The following ROCK1 variants were observed in gnomAD, a reference collection of about 807,000 sequenced individuals.
ROCK1 encodes the protein rho-associated protein kinase 1.
A neutral mutation model predicts 196.8 loss-of-function variants in ROCK1; 36 were observed. That is an observed-to-expected ratio of 0.18 (90% CI 0.14 to 0.24). The LOEUF (loss-of-function observed/expected upper bound fraction) is 0.24, where lower values mean the gene tolerates loss of function less well. ROCK1 is among the 10% of genes least tolerant of loss of function. The probability of loss-of-function intolerance (pLI) is 1.00; values close to 1 mark genes in which losing one functional copy is unlikely to be tolerated. For synonymous variants in ROCK1, 443 were observed against 515.9 expected (o/e 0.86, Z 1.91); for missense variants, 920 against 1,562.0 (o/e 0.59, Z 6.93).
At chr18:21,054,648 C>T (rs2036232118) in intron 2 of ROCK1, among the ~76,000 whole-genome samples, 1 of 152,182 alleles carries the variant, frequency 6.6e-6, no homozygotes, top group Non-Finnish European at 1.5e-5. Flanking sequence ...CGTCTCATCG[C>T]TAGACAGTTT....
chr18:21,034,269 T>A (rs1408410288), intron 9 of ROCK1, among the ~76,000 whole-genome samples: 1 of 152,164 alleles, frequency 6.6e-6, no homozygotes, highest in East Asian at 1.9e-4. Flanking sequence ...AAAATCCCTA[T>A]GTCCTTTTTG....
intron 29 of ROCK1, among the ~76,000 whole-genome samples, chr18:20,959,080 A>T (rs1217441659): frequency 2.7e-5 from 1 of 37,270 alleles, no homozygotes; most frequent in Admixed American, 5.8e-4. Flanking sequence ...TATATAATAT[A>T]TATATTTTAT....
At position 20,948,007 on chromosome 18, in the gene ROCK1, G is replaced by T. The variant is rs2035146054; in HGVS notation, c.*3377C>A. 6.6e-6 allele frequency: 1 copy of T among 151,970 alleles called. No individual in the cohort carries two copies. Among genetic ancestry groups the T allele is most frequent in the African/African-American group, 2.4e-5 (1 of 41,308 alleles). 9.4% of individuals were successfully genotyped at this position (151,970 alleles called of 1,614,324 possible). Reference sequence around the variant, plus strand: ...CACCTGTAATCCCAGCTACTCGGGAGTCTGAGGCAGGAGGATCACTTGAAC... The same window carrying T: ...CACCTGTAATCCCAGCTACTCGGGATTCTGAGGCAGGAGGATCACTTGAAC... On this transcript the variant is annotated 3_prime_UTR_variant, in exon 33 of 33. Transcript: ENST00000399799.
intron 9 of ROCK1, among the ~76,000 whole-genome samples, chr18:21,030,492 T>G (rs2035996477): frequency 6.6e-6 from 1 of 152,028 alleles, no homozygotes; most frequent in South Asian, 2.1e-4. Context: ...GAGAACAGAG[T>G]AAGTGTGCTG....
intron 1 of ROCK1, among the ~76,000 whole-genome samples, chr18:21,076,879 G>C (rs2036436417): frequency 6.6e-6 from 1 of 151,036 alleles, no homozygotes; most frequent in Admixed American, 6.6e-5. Context: ...ATCCAATCAA[G>C]TAAAAGCTAT....
intron 1 of ROCK1, among the ~76,000 whole-genome samples, chr18:21,079,919 TAG>T (rs2143568027): frequency 6.6e-6 from 1 of 152,354 alleles, no homozygotes; most frequent in African/African-American, 2.4e-5. Flanking sequence ...CCTTGTGCAG[TAG>T]AATACTGCTT....
intron 17 of ROCK1, among the ~76,000 whole-genome samples, chr18:20,992,355 A>G (rs1467479880): frequency 6.6e-6 from 1 of 152,218 alleles, no homozygotes; most frequent in Non-Finnish European, 1.5e-5. Flanking sequence ...TATATAACAG[A>G]GAATAACCAA....
intron 22 of ROCK1, among the ~76,000 whole-genome samples, chr18:20,979,155 T>C (rs1316128486): frequency 2.0e-5 from 3 of 152,108 alleles, no homozygotes; most frequent in African/African-American, 4.8e-5. Context: ...TCTTGAACTC[T>C]TGGGCTCAAG....
intron 2 of ROCK1, among the ~76,000 whole-genome samples, chr18:21,054,223 C>G (rs1273181798): frequency 6.6e-6 from 1 of 152,184 alleles, no homozygotes; most frequent in Non-Finnish European, 1.5e-5. Flanking sequence ...TAAAAACCAT[C>G]TACATATCAA....
At chr18:20,995,916 T>C (rs1271028305) in intron 16 of ROCK1, among the ~76,000 whole-genome samples, 1 of 152,090 alleles carries the variant, frequency 6.6e-6, no homozygotes, top group Non-Finnish European at 1.5e-5. Context: ...TCCCTTCGAA[T>C]ACCTGGAAAG....
chr18:21,035,880 T>C (rs2036052738), intron 9 of ROCK1, among the ~76,000 whole-genome samples: 2 of 152,256 alleles, frequency 1.3e-5, no homozygotes, highest in Middle Eastern at 3.4e-3. Context: ...GTCTAATTCA[T>C]AGAGACAGAA....
intron 31 of ROCK1, 68 bp downstream of exon 31, chr18:20,954,715 A>G (rs1452140684): frequency 1.6e-5 from 23 of 1,460,858 alleles, no homozygotes; most frequent in South Asian, 4.1e-5. Flanking sequence ...ATCACTACAC[A>G]TAAGTTAGTT....
chr18:21,081,388 T>C (rs1268845858), intron 1 of ROCK1, among the ~76,000 whole-genome samples: 1 of 152,066 alleles, frequency 6.6e-6, no homozygotes, highest in Non-Finnish European at 1.5e-5. Flanking sequence ...TTTATAGCTA[T>C]AAATGCTTAC....
In ROCK1 at chr18:20,968,797, T is replaced by C; in HGVS notation, c.2978A>G (p.Asn993Ser). 1 of 1,606,870 alleles carries C rather than the reference T, an allele frequency of 6.2e-7. No homozygotes were observed. The highest frequency in any genetic ancestry group is 8.5e-7 in the Non-Finnish European group (1 of 1,173,498). The stretch of plus-strand genomic sequence containing the variant: ...CTGTGTTTTAAGGGTTCGTTCAGTG[T>C]TGATATTCTTTTCAAAGGCAGCCTT... ...NLKAAFEKNINTERTLKTQAV... is the reference protein window; with the variant it reads ...NLKAAFEKNISTERTLKTQAV... The change falls in exon 25 of 33, where the codon AAC becomes AGC. Residue 993 changes from asparagine to serine, a missense_variant. Transcript: ENST00000399799.
intron 1 of ROCK1, among the ~76,000 whole-genome samples, chr18:21,076,961 C>CTT (rs71178160): frequency 9.3e-4 from 61 of 65,904 alleles, no homozygotes; most frequent in African/African-American, 1.8e-3. Context: ...AAAGGACAGT[C>CTT]TTTTTTTTTT....
At chr18:21,076,968 T>C in intron 1 of ROCK1, among the ~76,000 whole-genome samples, 1 of 140,402 alleles carries the variant, frequency 7.1e-6, no homozygotes, top group African/African-American at 2.7e-5. Flanking sequence ...AGTCTTTTTT[T>C]TTTTTTTTTT....
chr18:20,973,282 G>A (rs2035447428), intron 22 of ROCK1, among the ~76,000 whole-genome samples: 1 of 151,542 alleles, frequency 6.6e-6, no homozygotes, highest in African/African-American at 2.4e-5. Flanking sequence ...AGAATTGTTG[G>A]AATCATAATT....
intron 1 of ROCK1, among the ~76,000 whole-genome samples, chr18:21,084,317 T>G (rs1202565626): frequency 6.6e-6 from 1 of 151,546 alleles, no homozygotes; most frequent in East Asian, 1.9e-4. Flanking sequence ...AGAACAGTAT[T>G]AACAGAGTGA....
chr18:20,991,453 T>C (rs1240400048), intron 17 of ROCK1, 127 bp from the exon 18 acceptor site: 1 of 642,224 alleles, frequency 1.6e-6, no homozygotes, highest in East Asian at 3.0e-5. Flanking sequence ...ACACATATAA[T>C]TAAAAGCAAA....
Sources: gnomAD v4.1 joint callset for allele counts (sites outside exome capture counted in the v4.1 genomes callset) on GRCh38, gnomAD v4.1.1 for gene constraint, MANE v1.5 for transcripts, NCBI Gene and HGNC (gene_info 2026-07-23, HGNC 2026-07-21) for gene names.